Variants in CEP83 observed in about 807,000 individuals in gnomAD.
CEP83 encodes the protein centrosomal protein of 83 kDa.
In CEP83, 70 loss-of-function variants were observed where a neutral mutation model predicts 101.9. That is an observed-to-expected ratio of 0.69 (90% confidence interval 0.57 to 0.84). CEP83 has a LOEUF of 0.84. CEP83 is among the 40% of genes least tolerant of loss of function. The probability of loss-of-function intolerance (pLI) is 0.00; values close to 1 mark genes in which losing one functional copy is unlikely to be tolerated. For missense variants in CEP83, 715 were observed against 787.2 expected, an observed-to-expected ratio of 0.91 and a Z score of 1.10; for synonymous variants, 264 against 267.9, an observed-to-expected ratio of 0.99 and a Z score of 0.14.
chr12:94,410,620 C>T (rs1239775549), intron 4 of CEP83, among the ~76,000 whole-genome samples: 1 of 152,104 alleles, frequency 6.6e-6, no homozygotes, highest in East Asian at 1.9e-4. Context: ...ATTTGCAATA[C>T]CTGAAGAATC....
Position 94,308,746 on chromosome 12 carries a change from G to T in CEP83, c.*67C>A. The T allele has an allele frequency of 9.2e-7, 1 of 1,084,182 alleles. No homozygotes were observed. Among genetic ancestry groups the T allele is most frequent in the Non-Finnish European group, 1.4e-6 (1 of 705,316 alleles). 67.2% of individuals were successfully genotyped at this position (1,084,182 alleles called of 1,614,324 possible). ...AGTAAAAAGTATCTAAATGCCACAG[G>T]TTAAAATGTCAAGTTTTACTGAGTC... On this transcript the variant is annotated 3_prime_UTR_variant, in exon 17 of 17. Transcript: ENST00000397809.
chr12:94,373,683 T>G (rs2061400936), intron 8 of CEP83, among the ~76,000 whole-genome samples: 1 of 152,224 alleles, frequency 6.6e-6, no homozygotes, highest in African/African-American at 2.4e-5. Flanking sequence ...GTCATCATTT[T>G]CAGGCCATCT....
intron 14 of CEP83, among the ~76,000 whole-genome samples, chr12:94,316,331 A>C (rs1970679045): frequency 6.6e-6 from 1 of 152,188 alleles, no homozygotes; most frequent in African/African-American, 2.4e-5. Flanking sequence ...CTTCGTACTT[A>C]GAAATTTTAA....
chr12:94,290,098 G>T, the CEP83 span, among the ~76,000 whole-genome samples: 1 of 152,244 alleles, frequency 6.6e-6, no homozygotes, highest in African/African-American at 2.4e-5. Flanking sequence ...GCAAAACAAA[G>T]CGTCTGACAG....
intron 14 of CEP83, among the ~76,000 whole-genome samples, chr12:94,330,944 A>C (rs1258997822): frequency 6.6e-6 from 1 of 152,146 alleles, no homozygotes; most frequent in African/African-American, 2.4e-5. Context: ...TTATATATCA[A>C]ATTAAACATA....
chr12:94,285,043 G>A, the CEP83 span, among the ~76,000 whole-genome samples: 1 of 152,194 alleles, frequency 6.6e-6, no homozygotes, highest in Non-Finnish European at 1.5e-5. Context: ...GGAATCAGAT[G>A]CTCAGGAGGA....
chr12:94,457,397 GAGAC>G (rs1238418445), intron 1 of CEP83, among the ~76,000 whole-genome samples: 1 of 152,196 alleles, frequency 6.6e-6, no homozygotes, highest in African/African-American at 2.4e-5. Context: ...TTTAGGCAAA[GAGAC>G]AGTACCTGGG....
intron 2 of CEP83, among the ~76,000 whole-genome samples, chr12:94,429,549 G>A (rs1473078061): frequency 1.3e-5 from 2 of 152,160 alleles, no homozygotes; most frequent in Admixed American, 1.3e-4. Context: ...GAGTCCCACT[G>A]ACATACCCAG....
At chr12:94,371,194 A>G (rs1435661102) in intron 8 of CEP83, among the ~76,000 whole-genome samples, 1 of 151,986 alleles carries the variant, frequency 6.6e-6, no homozygotes, top group African/African-American at 2.4e-5. Context: ...ACCATACAAA[A>G]GGGTTGTTTT....
At chr12:94,309,897 C>T in intron 16 of CEP83, 21 bp downstream of exon 16, 3 of 1,382,120 alleles carry the variant, frequency 2.2e-6, no homozygotes, top group South Asian at 1.9e-5. Flanking sequence ...TTTTTTTTCC[C>T]CCTAAAATAA....
intron 1 of CEP83, among the ~76,000 whole-genome samples, chr12:94,449,853 G>A (rs555738711): frequency 1.3e-5 from 2 of 150,008 alleles, no homozygotes; most frequent in South Asian, 4.2e-4. Flanking sequence ...GGAATACAGG[G>A]TGGGTTTAAT....
At chr12:94,322,754 C>G (rs2058802771) in intron 14 of CEP83, among the ~76,000 whole-genome samples, 1 of 152,198 alleles carries the variant, frequency 6.6e-6, no homozygotes, top group Admixed American at 6.5e-5. Context: ...AGTCCCTAAC[C>G]AACTCAGACT....
intron 11 of CEP83, among the ~76,000 whole-genome samples, chr12:94,350,255 A>C (rs1175224200): frequency 6.6e-6 from 1 of 152,208 alleles, no homozygotes; most frequent in Non-Finnish European, 1.5e-5. Flanking sequence ...AAGTTATAAT[A>C]ATCAAAATAG....
chr12:94,378,798 G>T lies in CEP83; in HGVS notation c.794C>A (p.Ser265Tyr). Residue 265 changes from serine (S) to tyrosine (Y), a missense_variant, in exon 7 of 17, where the codon TCC (serine) becomes TAC (tyrosine). Transcript: ENST00000397809. Reference protein sequence around the residue: ...QLAEMQATVRSLEAEKQSANL... With the variant: ...QLAEMQATVRYLEAEKQSANL... ...AAGTAATTAGAATCTTACCTCCAGG[G>T]ATCTGACTGTAGCCTGCATCTCAGC... 1 of 1,613,906 alleles carries T rather than the reference G, an allele frequency of 6.2e-7. No individual in the cohort carries two copies. Among genetic ancestry groups the T allele is most frequent in the Non-Finnish European group, 8.5e-7 (1 of 1,179,902 alleles).
chr12:94,345,274 A>G (rs1273211597), intron 11 of CEP83, among the ~76,000 whole-genome samples: 1 of 152,234 alleles, frequency 6.6e-6, no homozygotes, highest in Non-Finnish European at 1.5e-5. Context: ...GTGGTGTAGT[A>G]TTATGATGTA....
At chr12:94,353,383 A>G (rs2060291028) in intron 11 of CEP83, among the ~76,000 whole-genome samples, 1 of 152,204 alleles carries the variant, frequency 6.6e-6, no homozygotes, top group Non-Finnish European at 1.5e-5. Context: ...GACAATGACT[A>G]ACATCATGAA....
At chr12:94,436,042 C>A (rs1228462618) in intron 1 of CEP83, among the ~76,000 whole-genome samples, 1 of 151,500 alleles carries the variant, frequency 6.6e-6, no homozygotes, top group East Asian at 1.9e-4. Flanking sequence ...GGTGACTCCA[C>A]ATCAAGGAAT....
intron 2 of CEP83, among the ~76,000 whole-genome samples, chr12:94,416,510 A>G (rs567632566): frequency 1.3e-5 from 2 of 151,942 alleles, no homozygotes; most frequent in South Asian, 4.1e-4. Flanking sequence ...GCCTAGCAAG[A>G]TAATATGTAG....
chr12:94,386,532 T>TA (rs1195122893), intron 6 of CEP83, among the ~76,000 whole-genome samples: 1 of 152,196 alleles, frequency 6.6e-6, no homozygotes, highest in Non-Finnish European at 1.5e-5. Flanking sequence ...TTAGGTTTTT[T>TA]ATCTCTGCAC....
Sources: gnomAD v4.1 joint callset for allele counts (sites outside exome capture counted in the v4.1 genomes callset) on GRCh38, gnomAD v4.1.1 for gene constraint, MANE v1.5 for transcripts, NCBI Gene and HGNC (gene_info 2026-07-23, HGNC 2026-07-21) for gene names.